WWC2: variants seen among roughly 807,000 people sequenced by gnomAD.
The protein encoded by WWC2 is protein WWC2.
Under a neutral mutation model 138.5 loss-of-function variants are expected in WWC2, and 101 were observed. The observed-to-expected ratio is 0.73, with a 90% CI of 0.62 to 0.86. The LOEUF (loss-of-function observed/expected upper bound fraction) is 0.86, where lower values mean the gene tolerates loss of function less well. Among genes scored for constraint, WWC2 ranks in the 40% least tolerant of loss-of-function variants. WWC2 has a pLI of 0.00. For synonymous variants in WWC2, 558 were observed against 538.4 expected, an observed-to-expected ratio of 1.04 and a Z score of -0.50; for missense variants, 1,420 against 1,419.4, an observed-to-expected ratio of 1.00 and a Z score of -0.01.
chr4:183,112,744 A>G (rs977226008), intron 1 of WWC2, among the ~76,000 whole-genome samples: 1 of 152,154 alleles, frequency 6.6e-6, no homozygotes, highest in Admixed American at 6.5e-5. Flanking sequence ...AGATGAAGTG[A>G]TAATAGTGTC....
At chr4:183,130,194 A>G (rs1307581521) in intron 1 of WWC2, among the ~76,000 whole-genome samples, 2 of 151,822 alleles carry the variant, frequency 1.3e-5, no homozygotes, top group Non-Finnish European at 2.9e-5. Context: ...CTGGGACTAC[A>G]GGCGCCCGCC....
intron 21 of WWC2, among the ~76,000 whole-genome samples, chr4:183,289,877 A>G (rs3828559): frequency 0.66 from 99,713 of 149,946 alleles, 34,312 homozygotes; most frequent in Non-Finnish European, 0.76. Context: ...CGTGGCCAGT[A>G]GGGTGAGGGC....
At chr4:183,240,152 CATT>C in intron 4 of WWC2, 28 bp from the exon 5 acceptor site, 1 of 1,483,112 alleles carries the variant, frequency 6.7e-7, no homozygotes, top group South Asian at 1.3e-5. Flanking sequence ...TATCTGCAAA[CATT>C]AATGTTTATG....
chr4:183,240,140 A>G, intron 4 of WWC2, 43 bp from the exon 5 acceptor site: 1 of 1,408,164 alleles, frequency 7.1e-7, no homozygotes, highest in Non-Finnish European at 9.6e-7. Context: ...TGTGTTGCTA[A>G]TTATCTGCAA....
intron 1 of WWC2, among the ~76,000 whole-genome samples, chr4:183,164,389 TATATAC>T (rs370067554): frequency 0.32 from 518 of 1,624 alleles, 34 homozygotes; most frequent in African/African-American, 0.43. Context: ...ATATATATTA[TATATAC>T]ATATATATTA....
chr4:183,247,655 CTATATAT>C (rs1180516718), intron 6 of WWC2, among the ~76,000 whole-genome samples: 1 of 129,740 alleles, frequency 7.7e-6, no homozygotes, highest in Non-Finnish European at 1.6e-5. Flanking sequence ...ATACTATATA[CTATATAT>C]ACTATATATT....
intron 2 of WWC2, among the ~76,000 whole-genome samples, chr4:183,196,899 A>T (rs1735160984): frequency 6.6e-6 from 1 of 152,140 alleles, no homozygotes; most frequent in African/African-American, 2.4e-5. Context: ...ATATTTCCAG[A>T]GGACCAGGTG....
At position 183,157,953 on chromosome 4, in the gene WWC2, C is replaced by T. The variant is rs1185235006; in HGVS notation, c.132-35646C>T. Among the ~76,000 whole-genome samples, 5 of 152,136 alleles carry T rather than the reference C, an allele frequency of 3.3e-5. No homozygotes were observed. In the South Asian group the frequency reaches 8.3e-4, roughly 25 times the overall value. On this transcript the variant is annotated intron_variant, in intron 1 of 22. Transcript: ENST00000403733. ...TTCCAAGGGACTGCCTCCTAGAGTC[C>T]CAAGGTGTATTTTTAAGTTCCTTTT... is the stretch of plus-strand genomic sequence containing the variant.
At chr4:183,239,113 G>A (rs7681016) in intron 4 of WWC2, among the ~76,000 whole-genome samples, 3,472 of 152,218 alleles carry the variant, frequency 0.023, 136 homozygotes, top group African/African-American at 0.079. Context: ...CCTGGAGTTC[G>A]AGACCAGCCT....
At chr4:183,100,552 C>T (rs186492511) in intron 1 of WWC2, among the ~76,000 whole-genome samples, 1 of 152,232 alleles carries the variant, frequency 6.6e-6, no homozygotes, top group East Asian at 1.9e-4. Context: ...GGGATAACTT[C>T]GACATTTGGA....
chr4:183,277,851 G>T (rs1343280049), intron 16 of WWC2, among the ~76,000 whole-genome samples: 2 of 150,456 alleles, frequency 1.3e-5, no homozygotes, highest in African/African-American at 4.9e-5. Context: ...AAATTTGTTT[G>T]AGTTCATTGT....
At chr4:183,225,182 A>G (rs1736036504) in intron 4 of WWC2, among the ~76,000 whole-genome samples, 1 of 152,228 alleles carries the variant, frequency 6.6e-6, no homozygotes, top group African/African-American at 2.4e-5. Flanking sequence ...CTGAATTGGC[A>G]ATAAAATTGA....
intron 4 of WWC2, among the ~76,000 whole-genome samples, chr4:183,212,639 A>G (rs563761188): frequency 6.6e-6 from 1 of 152,336 alleles, no homozygotes; most frequent in East Asian, 1.9e-4. Context: ...AATAACCACA[A>G]TAAGCTGTTA....
At chr4:183,154,263 C>G (rs1733733718) in intron 1 of WWC2, among the ~76,000 whole-genome samples, 2 of 152,178 alleles carry the variant, frequency 1.3e-5, no homozygotes, top group African/African-American at 4.8e-5. Context: ...AGGCAAGTTA[C>G]TTAATCTTTC....
chr4:183,119,034 CTG>C (rs942795470), intron 1 of WWC2, among the ~76,000 whole-genome samples: 3 of 151,968 alleles, frequency 2.0e-5, no homozygotes, highest in African/African-American at 7.3e-5. Flanking sequence ...GTACTCCAGT[CTG>C]AATTTTACTG....
At chr4:183,246,336 G>A (rs973322163) in intron 6 of WWC2, among the ~76,000 whole-genome samples, 3 of 152,036 alleles carry the variant, frequency 2.0e-5, no homozygotes, top group African/African-American at 4.8e-5. Context: ...AATTTAGTCC[G>A]CATCTATGGG....
At chr4:183,299,318 A>G (rs1738744095) in intron 21 of WWC2, among the ~76,000 whole-genome samples, 1 of 152,094 alleles carries the variant, frequency 6.6e-6, no homozygotes, top group Non-Finnish European at 1.5e-5. Flanking sequence ...GGGGGGAAAA[A>G]CATTCAACCC....
In WWC2 at chr4:183,285,994, A is replaced by G. The variant is rs1441733121; in HGVS notation, c.3076A>G (p.Thr1026Ala). Residue 1026 changes from threonine to alanine, a missense_variant, in exon 20 of 23, where the codon ACC becomes GCC. Transcript: ENST00000403733. ...AAATCGGAGTGACAGTGACAGTTCAACCCTGGCTAAAAAATCACTGTTTGT... is the reference window on the plus strand; with the variant it reads ...AAATCGGAGTGACAGTGACAGTTCAGCCCTGGCTAAAAAATCACTGTTTGT... ...RLNRSDSDSS[T>A]LAKKSLFVRN... The G allele has an allele frequency of 6.3e-7, 1 of 1,594,796 alleles. No homozygotes were observed. The highest frequency in any genetic ancestry group is 8.6e-7 in the Non-Finnish European group (1 of 1,169,466).
At chr4:183,186,082 G>T (rs1734791786) in intron 1 of WWC2, among the ~76,000 whole-genome samples, 1 of 151,610 alleles carries the variant, frequency 6.6e-6, no homozygotes, top group Non-Finnish European at 1.5e-5. Context: ...CGAGTAGCTG[G>T]GACTACGAGC....
Sources: allele counts gnomAD v4.1 joint callset (sites outside exome capture counted in the v4.1 genomes callset), GRCh38; gene constraint gnomAD v4.1.1; transcripts MANE v1.5; gene names NCBI Gene and HGNC (gene_info 2026-07-23, HGNC 2026-07-21).